NKAIN3: variants seen among roughly 807,000 people sequenced by gnomAD.
NKAIN3 encodes sodium/potassium-transporting ATPase subunit beta-1-interacting protein 3.
NKAIN3 carries 25 observed loss-of-function variants against 30.2 expected under a neutral mutation model. The ratio of observed to expected loss-of-function variants is 0.83; its 90% CI spans 0.60 to 1.16. NKAIN3 has a LOEUF of 1.16. NKAIN3 is among the 50% of genes most tolerant of loss of function. The pLI is 0.00. For synonymous variants in NKAIN3, 91 were observed against 89.6 expected, an observed-to-expected ratio of 1.02 and a Z score of -0.09; for missense variants, 225 against 254.1, an observed-to-expected ratio of 0.89 and a Z score of 0.78.
intron 1 of NKAIN3, among the ~76,000 whole-genome samples, chr8:62,421,507 C>G (rs1804639403): frequency 6.6e-6 from 1 of 151,984 alleles, no homozygotes; most frequent in Admixed American, 6.6e-5. Context: ...GAGGAAGTAA[C>G]CTATTTGGGG....
chr8:62,358,560 A>G (rs1051846561), intron 1 of NKAIN3, among the ~76,000 whole-genome samples: 1 of 152,174 alleles, frequency 6.6e-6, no homozygotes, highest in African/African-American at 2.4e-5. Flanking sequence ...AGAATGTGTA[A>G]TTTGTAAGAG....
At chr8:62,679,949 A>T (rs561408079) in intron 3 of NKAIN3, among the ~76,000 whole-genome samples, 13 of 152,324 alleles carry the variant, frequency 8.5e-5, no homozygotes, top group Admixed American at 5.9e-4. Context: ...ATCCTGGATT[A>T]TCTAGGTGAG....
chr8:62,305,879 T>G (rs1478148823), intron 1 of NKAIN3, among the ~76,000 whole-genome samples: 3 of 150,446 alleles, frequency 2.0e-5, no homozygotes, highest in Non-Finnish European at 4.4e-5. Flanking sequence ...CTGAGCTTAC[T>G]GCTTCTGCTG....
intron 1 of NKAIN3, among the ~76,000 whole-genome samples, chr8:62,417,537 G>C (rs1585786094): frequency 6.6e-6 from 1 of 151,952 alleles, no homozygotes; most frequent in Admixed American, 6.6e-5. Context: ...AGTTTTTTGG[G>C]GAACCTCTAA....
At chr8:62,725,094 T>A (rs886570274) in intron 3 of NKAIN3, among the ~76,000 whole-genome samples, 8 of 152,170 alleles carry the variant, frequency 5.3e-5, no homozygotes, top group Non-Finnish European at 1.0e-4. Context: ...TGAGGTGATA[T>A]CTCATTGTAG....
chr8:62,788,733 A>T (rs999800086), intron 4 of NKAIN3, among the ~76,000 whole-genome samples: 15 of 151,896 alleles, frequency 9.9e-5, no homozygotes, highest in Admixed American at 7.2e-4. Flanking sequence ...GAAGGGATCC[A>T]GTTTCAGCTT....
chr8:62,837,661 G>T (rs1282154891), intron 4 of NKAIN3, among the ~76,000 whole-genome samples: 2 of 152,058 alleles, frequency 1.3e-5, no homozygotes, highest in East Asian at 3.9e-4. Flanking sequence ...TTATTTTATA[G>T]CTAGTAGATT....
intron 1 of NKAIN3, among the ~76,000 whole-genome samples, chr8:62,267,051 G>T (rs1281182936): frequency 6.6e-6 from 1 of 152,172 alleles, no homozygotes; most frequent in Non-Finnish European, 1.5e-5. Flanking sequence ...AACCTGCCAG[G>T]CTAAGCCCCA....
downstream of NKAIN3, among the ~76,000 whole-genome samples, chr8:62,987,525 G>A (rs12545245): frequency 0.074 from 11,305 of 152,178 alleles, 682 homozygotes; most frequent in East Asian, 0.3. Flanking sequence ...GCAAAGGCAC[G>A]TCTTACATAG....
intron 1 of NKAIN3, among the ~76,000 whole-genome samples, chr8:62,420,603 G>A (rs1463374758): frequency 2.0e-5 from 3 of 152,026 alleles, no homozygotes; most frequent in Non-Finnish European, 4.4e-5. Context: ...AATAAGTGTG[G>A]CTAGTTTTAC....
intron 4 of NKAIN3, among the ~76,000 whole-genome samples, chr8:62,873,565 T>A (rs1160378463): frequency 2.0e-5 from 3 of 150,384 alleles, no homozygotes; most frequent in Non-Finnish European, 4.4e-5. Context: ...GCACTTATTC[T>A]AAAATTGACC....
rs181672374 is a variant in NKAIN3 at position 62,319,448 on chromosome 8, T to C, written c.54+70321T>C. On this transcript the variant is annotated intron_variant, in intron 1 of 6. Transcript: ENST00000623646. ...TAGGGTCTCAATTTTAGATCTTTCC[T>C]GCTTTCTCTTGTGGGCATTTAGTGC... 2.2e-3 allele frequency among the ~76,000 whole-genome samples: 333 copies of C among 152,346 alleles called. 1 individual carries two copies. Among genetic ancestry groups the C allele is most frequent in the African/African-American group, 7.4e-3 (307 of 41,570 alleles).
chr8:62,647,513 G>A (rs960501819), intron 3 of NKAIN3, among the ~76,000 whole-genome samples: 1 of 152,170 alleles, frequency 6.6e-6, no homozygotes, highest in East Asian at 1.9e-4. Context: ...GTTTGGCAGG[G>A]ATCTCCGACC....
intron 1 of NKAIN3, among the ~76,000 whole-genome samples, chr8:62,540,419 G>T (rs1238034026): frequency 6.6e-6 from 1 of 152,166 alleles, no homozygotes; most frequent in Non-Finnish European, 1.5e-5. Context: ...ACATAACTAT[G>T]TAAGAACTAT....
chr8:62,974,975 A>G lies in NKAIN3; in HGVS notation c.*9568A>G, dbSNP rs7828045. Among the ~76,000 whole-genome samples the G allele has an allele frequency of 0.018, 2,688 of 152,254 alleles. 79 individuals carry two copies. Among genetic ancestry groups the G allele is most frequent in the African/African-American group, 0.06 (2,510 of 41,526 alleles). On this transcript the variant is annotated 3_prime_UTR_variant, in exon 7 of 7. Transcript: ENST00000623646. Reference sequence around the variant, plus strand: ...TGATGGATTACATTCATTCATTTGCATATGTTGAAACAGCCTTGCATCCCA... The same window carrying G: ...TGATGGATTACATTCATTCATTTGCGTATGTTGAAACAGCCTTGCATCCCA...
In NKAIN3 at chr8:62,257,622, C is replaced by A. The variant is rs117762004; in HGVS notation, c.54+8495C>A. On this transcript the variant is annotated intron_variant, in intron 1 of 6. Transcript: ENST00000623646. ...ACCAAAATAGAATTATTTCCTACTTCTCCAGGTCTGCATCCTCAGTTCCAT... is the reference window on the plus strand; with the variant it reads ...ACCAAAATAGAATTATTTCCTACTTATCCAGGTCTGCATCCTCAGTTCCAT... Among the ~76,000 whole-genome samples the A allele has an allele frequency of 1.6e-3, 250 of 152,294 alleles. 5 individuals carry two copies. In the East Asian group the frequency reaches 0.039, roughly 24 times the overall value.
chr8:62,387,037 T>C (rs1817451249), intron 1 of NKAIN3, among the ~76,000 whole-genome samples: 1 of 152,180 alleles, frequency 6.6e-6, no homozygotes, highest in Non-Finnish European at 1.5e-5. Context: ...TATACTATAG[T>C]GTTTTATTAA....
downstream of NKAIN3, among the ~76,000 whole-genome samples, chr8:62,985,256 G>A (rs971322243): frequency 7.9e-5 from 12 of 152,134 alleles, no homozygotes; most frequent in Admixed American, 2.6e-4. Flanking sequence ...ACAGGAACTC[G>A]GCCTCTCTTT....
At chr8:62,696,018 TA>T (rs747798494) in intron 3 of NKAIN3, among the ~76,000 whole-genome samples, 1 of 152,168 alleles carries the variant, frequency 6.6e-6, no homozygotes. Flanking sequence ...TCTGTATATA[TA>T]AAAACGCAAA....
Sources: gnomAD v4.1 joint callset for allele counts (sites outside exome capture counted in the v4.1 genomes callset) on GRCh38, gnomAD v4.1.1 for gene constraint, MANE v1.5 for transcripts, NCBI Gene and HGNC (gene_info 2026-07-23, HGNC 2026-07-21) for gene names.